SMARCD3: variants seen among roughly 807,000 people sequenced by gnomAD.
SMARCD3 encodes the protein SWI/SNF related BAF chromatin remodeling complex subunit D3.
A neutral mutation model predicts 58.0 loss-of-function variants in SMARCD3; 14 were observed. The observed-to-expected ratio is 0.24, with a 90% CI of 0.16 to 0.38. SMARCD3 has a LOEUF of 0.38. SMARCD3 is among the 10% of genes least tolerant of loss of function. SMARCD3 has a pLI of 1.00. For synonymous variants in SMARCD3, 253 were observed against 253.8 expected, an observed-to-expected ratio of 1.00 and a Z score of 0.03; for missense variants, 408 against 636.9, an observed-to-expected ratio of 0.64 and a Z score of 3.87.
chr7:151,239,401 A>C lies in SMARCD3; in HGVS notation c.1393T>G (p.Cys465Gly), dbSNP rs1444513797. 1 of 1,611,584 alleles carries C rather than the reference A, an allele frequency of 6.2e-7. No homozygotes were observed. The highest frequency in any genetic ancestry group is 1.7e-5 in the Admixed American group (1 of 60,002). ...SQEAVSRYFY[C>G]KIQQRRQELE... Reference sequence around the variant, plus strand: ...GGGCAAGGGTCCCTGCATACCTTGCAGTAGAAGTAGCGACTGACGGCCTCC... The same window carrying C: ...GGGCAAGGGTCCCTGCATACCTTGCCGTAGAAGTAGCGACTGACGGCCTCC... The change falls in exon 12 of 13, where the codon TGC (cysteine) becomes GGC (glycine). Residue 465 changes from cysteine (C) to glycine (G), a missense_variant. Cys to Gly is a radical substitution (Grantham distance 159, BLOSUM62 -3). This residue lies in a region of SMARCD3 where 81 missense variants were observed against 109.7 expected (regional missense o/e 0.74). Coordinates refer to ENST00000262188, the MANE Select transcript of SMARCD3 (RefSeq NM_001003801.2). The surrounding 1 kb of genome is among the most constrained non-coding windows in gnomAD (Gnocchi z 7.0).
Position 151,248,686 on chromosome 7 carries a change from G to C in SMARCD3, c.-124C>G, listed in dbSNP as rs1384513576. The stretch of plus-strand genomic sequence containing the variant: ...GCTGGGCTCTCTCACACTTCTACTC[G>C]AGCGGAGTGGGGAGGGGGCCCCTTC... On this transcript the variant is annotated 5_prime_UTR_variant, in exon 1 of 13. Coordinates refer to ENST00000262188, the MANE Select transcript of SMARCD3 (RefSeq NM_001003801.2). The surrounding 1 kb of genome is among the most constrained non-coding windows in gnomAD (Gnocchi z 6.1). 2.5e-5 allele frequency: 35 copies of C among 1,426,118 alleles called. No individual in the cohort carries two copies. Among genetic ancestry groups the C allele is most frequent in the Non-Finnish European group, 2.9e-5 (31 of 1,079,428 alleles). The allele number at this position is 1,426,118 out of a possible 1,614,324, so 88.3% of individuals were successfully genotyped here. A position where few individuals can be genotyped will look rare whatever the true frequency, so the allele number is the denominator to read the frequency against.
intron 8 of SMARCD3, chr7:151,240,739 A>T: frequency 1.8e-6 from 1 of 566,704 alleles, no homozygotes. Flanking sequence ...AGGGGTTGAG[A>T]GTGCGGGCCC....
At chr7:151,260,979 C>G (rs1302899243) in intron 2 of SMARCD3, among the ~76,000 whole-genome samples, 1 of 152,194 alleles carries the variant, frequency 6.6e-6, no homozygotes, top group Non-Finnish European at 1.5e-5. Flanking sequence ...ACTCAGCAGA[C>G]TTTACTCTGG....
At chr7:151,255,393 T>A (rs534112282) in intron 2 of SMARCD3, among the ~76,000 whole-genome samples, 2 of 152,158 alleles carry the variant, frequency 1.3e-5, no homozygotes, top group Non-Finnish European at 2.9e-5. Context: ...TGGCCCCCCA[T>A]TGCCCCTCAC....
chr7:151,239,463 T>G lies in SMARCD3; in HGVS notation c.1331A>C (p.Glu444Ala). The G allele has an allele frequency of 6.2e-7, 1 of 1,613,744 alleles. No individual in the cohort carries two copies. The highest frequency in any genetic ancestry group is 1.1e-5 in the South Asian group (1 of 91,080). ...CTGGTGGTAGAACTCAGCCCGGCGC[T>G]CCTCTTCAGGGTTGCCGGCTACATC... ...MTDVAGNPEE[E>A]RRAEFYHQPW... The change falls in exon 12 of 13, where the codon GAG becomes GCG. Residue 444 changes from glutamate (E) to alanine (A), a missense_variant. By Grantham distance (107) the Glu-to-Ala change is moderately radical (BLOSUM62 -1). This residue lies in a region of SMARCD3 where 81 missense variants were observed against 109.7 expected (regional missense o/e 0.74). Coordinates refer to ENST00000262188, the MANE Select transcript of SMARCD3 (RefSeq NM_001003801.2). The surrounding 1 kb of genome is among the most constrained non-coding windows in gnomAD (Gnocchi z 7.0).
chr7:151,263,116 T>C (rs997088557), intron 2 of SMARCD3, among the ~76,000 whole-genome samples: 2 of 152,014 alleles, frequency 1.3e-5, no homozygotes, highest in African/African-American at 4.8e-5. Flanking sequence ...AAGTGACTGG[T>C]GTAAGGTTGC....
At chr7:151,267,039 G>A (rs923485008) in intron 2 of SMARCD3, among the ~76,000 whole-genome samples, 4 of 152,124 alleles carry the variant, frequency 2.6e-5, no homozygotes, top group South Asian at 2.1e-4. Context: ...AGGAATTGGC[G>A]AACGATACAA....
At position 151,242,729 on chromosome 7, in the gene SMARCD3, G is replaced by T. The variant is rs1236348559; in HGVS notation, c.448C>A (p.Pro150Thr). 6.2e-7 allele frequency: 1 copy of T among 1,614,040 alleles called. No homozygotes were observed. Among genetic ancestry groups the T allele is most frequent in the South Asian group, 1.1e-5 (1 of 91,074 alleles). Residue 150 changes from proline to threonine, a missense_variant, in exon 4 of 13, where the codon CCC (proline) becomes ACC (threonine). Around this residue, in one of 4 missense-constraint regions of SMARCD3, gnomAD observed 128 missense variants for 188.8 expected, o/e 0.68. Transcript: ENST00000262188. This position sits in a 1 kb window ranked among gnomAD's most constrained non-coding sequence, Gnocchi z 4.7. ...CCCCCGAACTAAGGCACCTTCATGG[G>T]CCTCTTCAGAGCCTCCTGGATGTCC... ...RVDIQEALKRPMKQKRKLRLY... is the reference protein window; with the variant it reads ...RVDIQEALKRTMKQKRKLRLY...
chr7:151,276,798 CAGG>C (rs1332221059), upstream of SMARCD3: 1 of 115,160 alleles, frequency 8.7e-6, no homozygotes, highest in African/African-American at 3.4e-5. Flanking sequence ...AGGTGCCAGG[CAGG>C]AGAAGGAGGG....
chr7:151,253,539 C>T (rs1803596832), upstream of SMARCD3, among the ~76,000 whole-genome samples: 1 of 152,196 alleles, frequency 6.6e-6, no homozygotes, highest in Non-Finnish European at 1.5e-5. Flanking sequence ...CTCCTTGACA[C>T]CCCTCCCACC....
chr7:151,240,641 T>G, intron 8 of SMARCD3, 119 bp from the exon 9 acceptor site: 3 of 650,822 alleles, frequency 4.6e-6, no homozygotes, highest in East Asian at 3.4e-5. Context: ...GATTCCTCAG[T>G]GCGCATGGGG....
chr7:151,247,291 C>G (rs1392737934), intron 1 of SMARCD3, among the ~76,000 whole-genome samples: 2 of 152,036 alleles, frequency 1.3e-5, no homozygotes, highest in Non-Finnish European at 2.9e-5. Context: ...TTTAAAGGGG[C>G]TCCCACCAGC....
chr7:151,242,668 C>T lies in SMARCD3; in HGVS notation c.456+53G>A, dbSNP rs1212481090. On this transcript the variant is annotated intron_variant, in intron 4 of 12. Transcript: ENST00000262188. The surrounding 1 kb of genome is among the most constrained non-coding windows in gnomAD (Gnocchi z 4.7). Reference sequence around the variant, plus strand: ...CTCCCACCCCGACCACCCTGCTTCCCCATCCTGGTCACACAACTCTAGAGT... The same window carrying T: ...CTCCCACCCCGACCACCCTGCTTCCTCATCCTGGTCACACAACTCTAGAGT... The T allele has an allele frequency of 1.9e-6, 3 of 1,612,834 alleles. No homozygotes were observed. Among genetic ancestry groups the T allele is most frequent in the Non-Finnish European group, 2.5e-6 (3 of 1,179,024 alleles).
chr7:151,255,195 C>G (rs1803661196), intron 2 of SMARCD3, among the ~76,000 whole-genome samples: 1 of 152,116 alleles, frequency 6.6e-6, no homozygotes, highest in Non-Finnish European at 1.5e-5. Context: ...CTTTGAGCCC[C>G]ACAAGGCCCT....
In SMARCD3 at chr7:151,259,615, T is replaced by TTTTTG. The variant is rs1554490164; in HGVS notation, c.40-13945_40-13944insCAAAA. Among the ~76,000 whole-genome samples, 816 of 134,268 alleles carry TTTTTG rather than the reference T, an allele frequency of 6.1e-3. 39 individuals carry two copies. Among genetic ancestry groups the TTTTTG allele is most frequent in the African/African-American group, 0.023 (785 of 34,340 alleles). 88.1% of individuals were successfully genotyped at this position (134,268 alleles called of 152,430 possible). Reference sequence around the variant, plus strand: ...ACAACCTGAGAGTTTTTTTTTTTTTTTTTTTTTTTTTGAGACGGACTTTCA... The same window carrying TTTTTG: ...ACAACCTGAGAGTTTTTTTTTTTTTTTTTTGTTTTTTTTTTTGAGACGGACTTTCA... On this transcript the variant is annotated intron_variant, in intron 2 of 13. Transcript: ENST00000356800.
upstream of SMARCD3, chr7:151,277,085 C>T (rs1202711371): frequency 4.0e-5 from 6 of 149,808 alleles, no homozygotes; most frequent in Admixed American, 6.6e-5. Flanking sequence ...ACCTGCTCCC[C>T]CGGGACCCCG....
intron 2 of SMARCD3, among the ~76,000 whole-genome samples, chr7:151,261,093 G>A (rs1169984773): frequency 6.6e-6 from 1 of 152,314 alleles, no homozygotes; most frequent in Non-Finnish European, 1.5e-5. Flanking sequence ...GCAAATCCTT[G>A]TAACTAAGGC....
In SMARCD3 at chr7:151,242,968, G is replaced by T; in HGVS notation, c.334-125C>A. 2 of 1,203,610 alleles carry T rather than the reference G, an allele frequency of 1.7e-6. No individual in the cohort carries two copies. The highest frequency in any genetic ancestry group is 2.3e-6 in the Non-Finnish European group (2 of 863,416). The allele number at this position is 1,203,610 out of a possible 1,614,324, so 74.6% of individuals were successfully genotyped here. ...GGGGAGCCATCCTACTTTTGGGCAT[G>T]TAGCTTTGACAGTGGGAACAGGACC... is the stretch of plus-strand genomic sequence containing the variant. On this transcript the variant is annotated intron_variant, in intron 3 of 12. Coordinates refer to ENST00000262188, the MANE Select transcript of SMARCD3 (RefSeq NM_001003801.2). The surrounding 1 kb of genome is among the most constrained non-coding windows in gnomAD (Gnocchi z 4.7).
intron 2 of SMARCD3, among the ~76,000 whole-genome samples, chr7:151,266,713 T>G (rs1804091737): frequency 6.6e-6 from 1 of 152,112 alleles, no homozygotes; most frequent in African/African-American, 2.4e-5. Context: ...GGGAGGTTTT[T>G]TTTGTTTGTT....
Sources: gnomAD v4.1 joint callset for allele counts (sites outside exome capture counted in the v4.1 genomes callset) on GRCh38, gnomAD v4.1.1 for gene constraint, gnomAD v4.1.1 regional missense constraint, Gnocchi (gnomAD v3.1) non-coding constraint, MANE v1.5 for transcripts, NCBI Gene and HGNC (gene_info 2026-07-23, HGNC 2026-07-21) for gene names.